Variants in MYOM2 observed in about 807,000 individuals in gnomAD.
The protein encoded by MYOM2 is myomesin 2.
MYOM2 carries 254 observed loss-of-function variants against 187.6 expected under a neutral mutation model. That is an observed-to-expected ratio of 1.35 (90% CI 1.22 to 1.50). MYOM2 has a LOEUF of 1.50. Ranked by LOEUF, MYOM2 falls within the 40% of genes most tolerant of loss-of-function variation. The pLI is 0.00. For missense variants in MYOM2, 2,796 were observed against 1,924.0 expected (o/e 1.45, Z -8.48); for synonymous variants, 981 against 753.8 (o/e 1.30, Z -4.94).
rs964310931 is a variant in MYOM2, at chr8:2,098,856, G to C, written c.2314-1G>C. On this transcript the variant is annotated splice_acceptor_variant, in intron 18 of 36. Transcript: ENST00000262113. LOFTEE classifies it high-confidence loss of function. The stretch of plus-strand genomic sequence containing the variant: ...TATTAATTTAAACAAAATCTGAATA[G>C]GTGGACGGCTTGACGGAAGGCTCAC... 2 of 1,609,504 alleles carry C rather than the reference G, an allele frequency of 1.2e-6. No individual in the cohort carries two copies. The highest frequency in any genetic ancestry group is 1.7e-5 in the Admixed American group (1 of 59,838).
chr8:2,097,029 T>C (rs890374274), intron 18 of MYOM2: 1 of 742,584 alleles, frequency 1.3e-6, no homozygotes, highest in Non-Finnish European at 1.6e-6. Context: ...ACCCCTCATC[T>C]GAGCATAGAT....
At chr8:2,075,234 A>C (rs1819377720) in intron 10 of MYOM2, among the ~76,000 whole-genome samples, 1 of 152,270 alleles carries the variant, frequency 6.6e-6, no homozygotes, top group African/African-American at 2.4e-5. Flanking sequence ...TGCTGTTGTT[A>C]GGCGGGCGTT....
chr8:2,129,020 G>A, intron 31 of MYOM2, 107 bp from the exon 32 acceptor site: 1 of 699,808 alleles, frequency 1.4e-6, no homozygotes, highest in South Asian at 1.7e-5. Context: ...ACACAAGTGA[G>A]AACAGGATTG....
chr8:2,080,429 G>C (rs978788959), intron 13 of MYOM2, among the ~76,000 whole-genome samples: 1 of 151,960 alleles, frequency 6.6e-6, no homozygotes. Context: ...TTTTTCTCTA[G>C]GATCTCAAAA....
At chr8:2,111,354 C>T (rs1286081076) in intron 25 of MYOM2, among the ~76,000 whole-genome samples, 1 of 152,130 alleles carries the variant, frequency 6.6e-6, no homozygotes, top group African/African-American at 2.4e-5. Flanking sequence ...AGCAAGAAGC[C>T]TAATTATTTT....
At chr8:2,078,355 G>T (rs1317078070) in intron 11 of MYOM2, among the ~76,000 whole-genome samples, 2 of 152,190 alleles carry the variant, frequency 1.3e-5, no homozygotes, top group Admixed American at 6.5e-5. Flanking sequence ...GGGCCAAGCC[G>T]CAGCTTAGGG....
At chr8:2,142,725 C>T (rs1223158673) in intron 35 of MYOM2, among the ~76,000 whole-genome samples, 1 of 960 alleles carries the variant, frequency 1.0e-3, no homozygotes, top group Admixed American at 0.016. Context: ...TCCCTCCCTC[C>T]CTCCCTTCCT....
intron 20 of MYOM2, 121 bp downstream of exon 20, chr8:2,101,175 G>T: frequency 1.0e-6 from 1 of 964,702 alleles, no homozygotes; most frequent in Non-Finnish European, 1.5e-6. Flanking sequence ...GAGAAGCCCC[G>T]TCTCTACTAA....
intron 32 of MYOM2, among the ~76,000 whole-genome samples, chr8:2,134,648 A>G (rs1477673883): frequency 2.0e-5 from 3 of 151,982 alleles, no homozygotes; most frequent in Non-Finnish European, 2.9e-5. Context: ...CTCCTCATTC[A>G]GCTGCTTGGC....
chr8:2,115,173 AAC>A (rs1797198951), intron 25 of MYOM2, among the ~76,000 whole-genome samples: 1 of 151,570 alleles, frequency 6.6e-6, no homozygotes, highest in African/African-American at 2.4e-5. Context: ...GCAAAAAAAA[AAC>A]AAAAAACAAA....
At chr8:2,093,039 C>T (rs1373320193) in intron 16 of MYOM2, among the ~76,000 whole-genome samples, 2 of 152,144 alleles carry the variant, frequency 1.3e-5, no homozygotes, top group Non-Finnish European at 2.9e-5. Context: ...AGACTTGCTC[C>T]TGCTGCCTGC....
At chr8:2,131,003 C>A (rs1013828632) in intron 32 of MYOM2, among the ~76,000 whole-genome samples, 1 of 152,134 alleles carries the variant, frequency 6.6e-6, no homozygotes, top group Non-Finnish European at 1.5e-5. Flanking sequence ...TCCTGCCATC[C>A]GTCATAAACA....
intron 10 of MYOM2, 138 bp from the exon 11 acceptor site, chr8:2,076,003 C>A: frequency 1.4e-6 from 1 of 723,864 alleles, no homozygotes; most frequent in Non-Finnish European, 2.1e-6. Context: ...AAGAAATATT[C>A]TAGTACTTTG....
intron 3 of MYOM2, among the ~76,000 whole-genome samples, chr8:2,055,865 C>T (rs916015156): frequency 7.2e-5 from 11 of 152,128 alleles, no homozygotes; most frequent in African/African-American, 2.2e-4. Flanking sequence ...GCTCCGATAC[C>T]GGGACTTTCT....
intron 14 of MYOM2, among the ~76,000 whole-genome samples, 199 bp from the exon 15 acceptor site, chr8:2,089,809 A>G (rs549529661): frequency 7.7e-4 from 117 of 152,296 alleles, no homozygotes; most frequent in African/African-American, 2.7e-3. Flanking sequence ...AACTTTGGGT[A>G]TTTGTGACTT....
intron 32 of MYOM2, among the ~76,000 whole-genome samples, chr8:2,132,757 T>C (rs533160176): frequency 6.6e-6 from 1 of 152,294 alleles, no homozygotes; most frequent in East Asian, 1.9e-4. Context: ...AGTGCATGCT[T>C]CAAACTCCAA....
intron 25 of MYOM2, among the ~76,000 whole-genome samples, chr8:2,113,978 T>C (rs1797152783): frequency 6.6e-6 from 1 of 151,816 alleles, no homozygotes; most frequent in South Asian, 2.1e-4. Flanking sequence ...GGCAGGTGGA[T>C]AGGTAGGGTG....
At position 2,108,884 on chromosome 8, in the gene MYOM2, G is replaced by A. The variant is rs192337621; in HGVS notation, c.3043+54G>A. ...GCTTGCAGCTGCTGGCTGGAGGGCC[G>A]TGTTCATTAATGCATGAGCTCTTGG... On this transcript the variant is annotated intron_variant, in intron 24 of 36. Transcript: ENST00000262113. 382 of 1,563,500 alleles carry A rather than the reference G, an allele frequency of 2.4e-4. 1 individual carries two copies. In the African/African-American group the frequency reaches 4.3e-3, roughly 18 times the overall value.
intron 15 of MYOM2, 117 bp downstream of exon 15, chr8:2,090,308 T>G: frequency 4.0e-6 from 4 of 1,008,640 alleles, no homozygotes; most frequent in Non-Finnish European, 4.2e-6. Context: ...GAAGTTCAAG[T>G]GGACTTAAAA....
Sources: gnomAD v4.1 joint callset for allele counts (sites outside exome capture counted in the v4.1 genomes callset) on GRCh38, gnomAD v4.1.1 for gene constraint, MANE v1.5 for transcripts, NCBI Gene and HGNC (gene_info 2026-07-23, HGNC 2026-07-21) for gene names.